Variants in PRSS3 observed in about 807,000 individuals in gnomAD.
PRSS3 encodes serine protease 3.
In PRSS3, 14 loss-of-function variants were observed where a neutral mutation model predicts 20.8. That is an observed-to-expected ratio of 0.67 (90% CI 0.44 to 1.05). PRSS3 has a LOEUF of 1.05. Among genes scored for constraint, PRSS3 ranks in the 50% least tolerant of loss-of-function variants. The pLI, the probability that PRSS3 is intolerant of heterozygous loss-of-function variation, is 0.00. For missense variants in PRSS3, 237 were observed against 306.4 expected (o/e 0.77, Z 1.69); for synonymous variants, 91 against 117.6 (o/e 0.77, Z 1.46).
chr9:33,797,439 AAGGG>A (rs1324390290), intron 2 of PRSS3, among the ~76,000 whole-genome samples: 3 of 152,228 alleles, frequency 2.0e-5, no homozygotes, highest in Non-Finnish European at 4.4e-5. Context: ...CTAGGCCAAG[AAGGG>A]AGGGAGGAAC....
At chr9:33,796,316 T>C (rs564076802) in intron 1 of PRSS3, among the ~76,000 whole-genome samples, 1 of 152,148 alleles carries the variant, frequency 6.6e-6, no homozygotes, top group Non-Finnish European at 1.5e-5. Context: ...AGGTGATGAA[T>C]AAAAGAGAGA....
chr9:33,755,903 C>T (rs755810717), intron 1 of PRSS3, among the ~76,000 whole-genome samples: 2 of 152,212 alleles, frequency 1.3e-5, no homozygotes, highest in South Asian at 2.1e-4. Context: ...AGAACCTCCA[C>T]GGTCCCTGTC....
intron 1 of PRSS3, among the ~76,000 whole-genome samples, chr9:33,767,342 T>C (rs1014848877): frequency 1.3e-5 from 2 of 151,978 alleles, no homozygotes; most frequent in Admixed American, 1.3e-4. Flanking sequence ...TGTGAATTGA[T>C]GAATGGATAA....
chr9:33,779,258 A>G (rs112277672), intron 1 of PRSS3, among the ~76,000 whole-genome samples: 8,562 of 152,266 alleles, frequency 0.056, 824 homozygotes, highest in African/African-American at 0.19. Context: ...TGAAATGACA[A>G]ACACAAAATT....
At chr9:33,774,539 G>A (rs72711738) in intron 1 of PRSS3, among the ~76,000 whole-genome samples, 7,880 of 152,222 alleles carry the variant, frequency 0.052, 301 homozygotes, top group Middle Eastern at 0.085. Context: ...GAGGGAAGCC[G>A]GTTAGTCAGT....
intron 1 of PRSS3, among the ~76,000 whole-genome samples, chr9:33,770,598 T>G (rs924980633): frequency 2.6e-5 from 4 of 152,192 alleles, no homozygotes; most frequent in Admixed American, 2.6e-4. Context: ...AGATAAGATC[T>G]TTAAAGAAGT....
chr9:33,768,816 A>T (rs904452837), intron 1 of PRSS3, among the ~76,000 whole-genome samples: 3 of 151,446 alleles, frequency 2.0e-5, no homozygotes, highest in Non-Finnish European at 4.4e-5. Context: ...AGATCATGCC[A>T]CTGCACTCCA....
chr9:33,788,423 T>A (rs371265287), intron 1 of PRSS3, among the ~76,000 whole-genome samples: 9 of 152,228 alleles, frequency 5.9e-5, no homozygotes, highest in African/African-American at 2.2e-4. Context: ...CCCAGAGCAT[T>A]CTCTCTGTTA....
chr9:33,751,026 A>G (rs987399980), intron 1 of PRSS3, among the ~76,000 whole-genome samples: 27 of 151,952 alleles, frequency 1.8e-4, no homozygotes, highest in African/African-American at 6.5e-4. Context: ...CCGAGTGCCT[A>G]TGTCCGGCTG....
intron 1 of PRSS3, among the ~76,000 whole-genome samples, chr9:33,766,418 A>T (rs1823424068): frequency 6.6e-6 from 1 of 150,402 alleles, no homozygotes; most frequent in African/African-American, 2.5e-5. Context: ...CTAAAAATAC[A>T]AAAAATTAGC....
At position 33,771,648 on chromosome 9, in the gene PRSS3, T is replaced by G. The variant is rs563508598; in HGVS notation, c.-53+20921T>G. ...GGTTTTGTTTTTTTGTTTTTTTGTT[T>G]TTTTTTTTTTTGAGACAGGGTCTCT... On this transcript the variant is annotated intron_variant, in intron 1 of 5. Transcript: ENST00000342836. 2.4e-4 allele frequency among the ~76,000 whole-genome samples: 33 copies of G among 134,826 alleles called. 1 individual carries two copies. The highest frequency in any genetic ancestry group is 6.6e-4 in the South Asian group (3 of 4,512). 88.5% of individuals were successfully genotyped at this position (134,826 alleles called of 152,430 possible).
At chr9:33,752,157 A>G (rs1400105751) in intron 1 of PRSS3, among the ~76,000 whole-genome samples, 2 of 152,042 alleles carry the variant, frequency 1.3e-5, no homozygotes, top group African/African-American at 4.8e-5. Flanking sequence ...ACTTATCCTC[A>G]GGCCACACCT....
rs777353797 is a variant in PRSS3, at chr9:33,798,078, T to C, written c.450T>C (p.Phe150=). ...LISGWGNTLS[F]GADYPDELKC... is the part of the protein sequence containing the mutation. ...CCGGCTGGGGCAACACTCTGAGCTT[T>C]GGTGGTGAGTGGGACCCTTTGTCCT... Residue 150 remains phenylalanine, a synonymous_variant, in exon 3 of 5, where the codon TTT becomes TTC. Transcript: ENST00000379405. 1.3e-6 allele frequency: 2 copies of C among 1,580,354 alleles called. No homozygotes were observed. Among genetic ancestry groups the C allele is most frequent in the Non-Finnish European group, 1.7e-6 (2 of 1,161,640 alleles).
chr9:33,775,906 G>A (rs915840235), intron 1 of PRSS3, among the ~76,000 whole-genome samples: 4 of 152,106 alleles, frequency 2.6e-5, no homozygotes, highest in African/African-American at 9.6e-5. Context: ...GTTTCACCAT[G>A]TTTGCTAGGC....
chr9:33,786,686 A>T, intron 1 of PRSS3: 1 of 766,394 alleles, frequency 1.3e-6, no homozygotes, highest in Non-Finnish European at 2.4e-6. Flanking sequence ...TGCAACTGCA[A>T]ATCAGGGCTC....
At chr9:33,793,309 G>A (rs1824724081), upstream of PRSS3, among the ~76,000 whole-genome samples, 1 of 152,108 alleles carries the variant, frequency 6.6e-6, no homozygotes, top group African/African-American at 2.4e-5. Flanking sequence ...TACAGCAAGA[G>A]CCTTTCCTTA....
At chr9:33,796,545 T>G in intron 1 of PRSS3, 98 bp from the exon 2 acceptor site, 1 of 1,514,264 alleles carries the variant, frequency 6.6e-7, no homozygotes, top group Non-Finnish European at 9.1e-7. Context: ...TCACTGGGCT[T>G]GTTAAGGATT....
At chr9:33,771,634 TTTG>T (rs1410334444) in intron 1 of PRSS3, among the ~76,000 whole-genome samples, 2 of 112,850 alleles carry the variant, frequency 1.8e-5, no homozygotes, top group East Asian at 3.3e-4. Flanking sequence ...GTTTTGTTTT[TTTG>T]TTTTTTTGTT....
At chr9:33,769,631 G>A (rs1484562462) in intron 1 of PRSS3, among the ~76,000 whole-genome samples, 1 of 152,224 alleles carries the variant, frequency 6.6e-6, no homozygotes, top group African/African-American at 2.4e-5. Context: ...AGAGAAGAAT[G>A]ACCCTGAAGC....
Sources: gnomAD v4.1 joint callset for allele counts (sites outside exome capture counted in the v4.1 genomes callset) on GRCh38, gnomAD v4.1.1 for gene constraint, MANE v1.5 for transcripts, NCBI Gene and HGNC (gene_info 2026-07-23, HGNC 2026-07-21) for gene names.